Variants in RANBP2 observed in about 807,000 individuals in gnomAD.
RANBP2 encodes the protein RAN binding protein 2, also known as E3 SUMO-protein ligase RanBP2.
RANBP2 carries 57 observed loss-of-function variants against 303.6 expected under a neutral mutation model. The observed-to-expected ratio is 0.19, with a 90% CI of 0.15 to 0.23. RANBP2 has a LOEUF of 0.23. Ranked by LOEUF, RANBP2 falls within the 10% of genes least tolerant of loss-of-function variation. The pLI, the probability that RANBP2 is intolerant of heterozygous loss-of-function variation, is 1.00. For missense variants in RANBP2, 3,138 were observed against 3,780.8 expected, an observed-to-expected ratio of 0.83 and a Z score of 4.46; for synonymous variants, 1,167 against 1,301.5, an observed-to-expected ratio of 0.90 and a Z score of 2.23.
In RANBP2 at chr2:108,766,430, A is replaced by G; in HGVS notation, c.5891A>G (p.Lys1964Arg). 2.5e-6 allele frequency: 4 copies of G among 1,611,984 alleles called. No individual in the cohort carries two copies. The highest frequency in any genetic ancestry group is 3.4e-6 in the Non-Finnish European group (4 of 1,179,848). ...TSGEGFQFGK[K>R]DPNFKGFSGA... is the part of the protein sequence containing the mutation. Reference sequence around the variant, plus strand: ...GGAGAAGGATTTCAGTTTGGCAAAAAAGACCCCAATTTCAAGGGATTTTCA... The same window carrying G: ...GGAGAAGGATTTCAGTTTGGCAAAAGAGACCCCAATTTCAAGGGATTTTCA... The change falls in exon 20 of 29, where the codon AAA becomes AGA. Residue 1964 changes from lysine to arginine, a missense_variant. Coordinates refer to ENST00000283195, the MANE Select transcript of RANBP2 (RefSeq NM_006267.5).
the RANBP2 span, among the ~76,000 whole-genome samples, chr2:108,820,133 C>T: frequency 1.3e-5 from 2 of 152,140 alleles, no homozygotes; most frequent in Non-Finnish European, 2.9e-5. Context: ...AGAGGCTGGG[C>T]ACAGTGGCTT....
the RANBP2 span, among the ~76,000 whole-genome samples, chr2:109,550,629 A>T: frequency 7.2e-5 from 11 of 152,188 alleles, no homozygotes; most frequent in Non-Finnish European, 1.3e-4. Flanking sequence ...TTTAGAAATT[A>T]GAAATAAATG....
At chr2:109,728,267 A>G in the RANBP2 span, among the ~76,000 whole-genome samples, 1 of 152,118 alleles carries the variant, frequency 6.6e-6, no homozygotes, top group Non-Finnish European at 1.5e-5. Context: ...CCCCCAGATG[A>G]CACAGCAAGT....
chr2:108,719,642 C>A lies in RANBP2; in HGVS notation c.36C>A (p.Ile12=). 1 of 1,608,062 alleles carries A rather than the reference C, an allele frequency of 6.2e-7. No individual in the cohort carries two copies. The highest frequency in any genetic ancestry group is 8.5e-7 in the Non-Finnish European group (1 of 1,178,320). ...RRSKADVERY[I]ASVQGSTPSP... ...GCAAGGCTGACGTGGAGCGGTACAT[C>A]GCCTCGGTGCAGGGCTCCACCCCGT... Residue 12 remains isoleucine, a synonymous_variant, in exon 1 of 29, where the codon ATC becomes ATA. Coordinates refer to ENST00000283195, the MANE Select transcript of RANBP2 (RefSeq NM_006267.5).
chr2:109,666,971 C>T, the RANBP2 span, among the ~76,000 whole-genome samples: 1 of 152,104 alleles, frequency 6.6e-6, no homozygotes, highest in African/African-American at 2.4e-5. Context: ...CTGAGGCAGT[C>T]CATATTTGAT....
chr2:109,370,580 C>T, the RANBP2 span, among the ~76,000 whole-genome samples: 5 of 152,080 alleles, frequency 3.3e-5, no homozygotes, highest in African/African-American at 1.2e-4. Flanking sequence ...TTTCTCCTTC[C>T]CCCAGGGCTC....
the RANBP2 span, among the ~76,000 whole-genome samples, chr2:109,270,644 G>A: frequency 2.6e-5 from 4 of 152,316 alleles, no homozygotes; most frequent in South Asian, 8.3e-4. Flanking sequence ...TGGGTGCTAA[G>A]CAGAGGTATG....
At chr2:109,707,442 A>G in the RANBP2 span, among the ~76,000 whole-genome samples, 4 of 152,366 alleles carry the variant, frequency 2.6e-5, no homozygotes, top group South Asian at 6.2e-4. Context: ...TTGGAAAGCA[A>G]TCTACCCTGA....
the RANBP2 span, chr2:109,614,763 G>A: frequency 6.8e-7 from 1 of 1,479,796 alleles, no homozygotes; most frequent in Non-Finnish European, 8.9e-7. Context: ...CGAGCCCTCC[G>A]GGGACCCGCC....
the RANBP2 span, among the ~76,000 whole-genome samples, chr2:109,438,868 C>T: frequency 5.3e-5 from 8 of 152,182 alleles, no homozygotes; most frequent in Non-Finnish European, 1.2e-4. Flanking sequence ...AGCAAAAGTC[C>T]CAGGCCAGGT....
chr2:109,357,876 C>T, the RANBP2 span, among the ~76,000 whole-genome samples: 1 of 152,220 alleles, frequency 6.6e-6, no homozygotes, highest in Admixed American at 6.5e-5. Context: ...ACATCACTCA[C>T]CAGAGTTAGT....
chr2:109,120,559 C>T, the RANBP2 span, among the ~76,000 whole-genome samples: 12 of 150,358 alleles, frequency 8.0e-5, no homozygotes, highest in African/African-American at 2.4e-4. Context: ...ACCTTGTGCT[C>T]TAGGTGACCT....
chr2:108,860,935 CTTTTTT>C, the RANBP2 span, among the ~76,000 whole-genome samples: 48 of 37,930 alleles, frequency 1.3e-3, 3 homozygotes, highest in East Asian at 3.7e-3. Context: ...TGGTCCAGGA[CTTTTTT>C]TTTTTTTTTT....
At chr2:109,476,918 A>G in the RANBP2 span, among the ~76,000 whole-genome samples, 2 of 152,284 alleles carry the variant, frequency 1.3e-5, no homozygotes, top group African/African-American at 4.8e-5. Context: ...ATGGGAGTGT[A>G]GCAGTGAGGA....
At chr2:109,241,548 C>G in the RANBP2 span, among the ~76,000 whole-genome samples, 1 of 152,144 alleles carries the variant, frequency 6.6e-6, no homozygotes, top group East Asian at 1.9e-4. Flanking sequence ...CGTCCTCCCT[C>G]CCACACAACC....
chr2:109,619,323 C>T, the RANBP2 span, among the ~76,000 whole-genome samples: 1 of 152,154 alleles, frequency 6.6e-6, no homozygotes, highest in Non-Finnish European at 1.5e-5. Flanking sequence ...AAGGTAATAC[C>T]TCCACCACTA....
At chr2:108,929,342 C>T in the RANBP2 span, 2 of 1,614,168 alleles carry the variant, frequency 1.2e-6, no homozygotes, top group Admixed American at 3.3e-5. Context: ...GCAGGGGACG[C>T]AGCCGTAGTC....
the RANBP2 span, among the ~76,000 whole-genome samples, chr2:108,805,230 A>G: frequency 6.6e-6 from 1 of 152,172 alleles, no homozygotes; most frequent in Admixed American, 6.5e-5. Flanking sequence ...AACAAAAGAA[A>G]AAAACCTGAT....
At chr2:109,237,770 G>C in the RANBP2 span, among the ~76,000 whole-genome samples, 1 of 152,000 alleles carries the variant, frequency 6.6e-6, no homozygotes, top group Non-Finnish European at 1.5e-5. Context: ...TCTTCCAAAA[G>C]AAAATCATCC....
Sources: gnomAD v4.1 joint callset for allele counts (sites outside exome capture counted in the v4.1 genomes callset) on GRCh38, gnomAD v4.1.1 for gene constraint, MANE v1.5 for transcripts, NCBI Gene and HGNC (gene_info 2026-07-23, HGNC 2026-07-21) for gene names.